CENPC: variants seen among roughly 807,000 people sequenced by gnomAD.
CENPC encodes the protein centromere protein C.
Under a neutral mutation model 112.1 loss-of-function variants are expected in CENPC, and 63 were observed. The ratio of observed to expected loss-of-function variants is 0.56; its 90% CI spans 0.46 to 0.69. CENPC has a LOEUF of 0.69. CENPC is among the 30% of genes least tolerant of loss of function. The probability of loss-of-function intolerance (pLI) is 0.00; values close to 1 mark genes in which losing one functional copy is unlikely to be tolerated. For synonymous variants in CENPC, 333 were observed against 367.6 expected, an observed-to-expected ratio of 0.91 and a Z score of 1.08; for missense variants, 1,000 against 1,103.8, an observed-to-expected ratio of 0.91 and a Z score of 1.33.
At chr4:67,542,923 G>A (rs113116852) in intron 2 of CENPC, among the ~76,000 whole-genome samples, 12 of 152,246 alleles carry the variant, frequency 7.9e-5, no homozygotes, top group East Asian at 3.9e-4. Flanking sequence ...CTATTAGAAC[G>A]CAGGTCACAT....
chr4:67,484,182 A>T (rs1264978983), intron 17 of CENPC, among the ~76,000 whole-genome samples: 1 of 152,204 alleles, frequency 6.6e-6, no homozygotes, highest in Non-Finnish European at 1.5e-5. Context: ...TAGATACACA[A>T]ATACAACTGT....
chr4:67,512,433 T>C lies in CENPC; in HGVS notation c.1581A>G (p.Pro527=), dbSNP rs1312815620. The C allele has an allele frequency of 2.5e-6, 4 of 1,600,084 alleles. No individual in the cohort carries two copies. The highest frequency in any genetic ancestry group is 1.1e-5 in the South Asian group (1 of 87,896). ...CTGATTTTACCACCCACCAATCAGA[T>C]GGACGCCTGGAAATTCTTCGACTTT... ...VTKSRRISRR[P]SDWWVVKSEE... is the part of the protein sequence containing the mutation. Residue 527 remains proline, a synonymous_variant, in exon 9 of 19, where the codon CCA becomes CCG. Transcript: ENST00000273853.
intron 1 of CENPC, 147 bp from the exon 2 acceptor site, chr4:67,544,342 T>C: frequency 1.7e-6 from 1 of 593,606 alleles, no homozygotes; most frequent in Non-Finnish European, 3.1e-6. Context: ...TGTTATGACA[T>C]AACATAGGTT....
In CENPC at chr4:67,518,176, T is replaced by C. The variant is rs2109809175; in HGVS notation, c.810A>G (p.Val270=). 1 of 1,545,928 alleles carries C rather than the reference T, an allele frequency of 6.5e-7. No homozygotes were observed. The highest frequency in any genetic ancestry group is 1.2e-5 in the South Asian group (1 of 81,346). The change falls in exon 7 of 19, where the codon GTA becomes GTG. Residue 270 remains valine, a synonymous_variant. Coordinates refer to ENST00000273853, the MANE Select transcript of CENPC (RefSeq NM_001812.4). ...KSFSTLFLET[V]KRKSESSPIV... is the part of the protein sequence containing the mutation. The stretch of plus-strand genomic sequence containing the variant: ...CTCACCTGGATTCACTTTTTCGTTT[T>C]ACTGTTTCTAAAAACAATGTTGAAA...
At chr4:67,485,468 A>AC (rs1170533019) in intron 17 of CENPC, among the ~76,000 whole-genome samples, 2 of 89,904 alleles carry the variant, frequency 2.2e-5, no homozygotes, top group East Asian at 1.2e-3. Context: ...CTGGAATCTT[A>AC]ACCCCCCCAA....
rs757889982 is a variant in CENPC at position 67,472,649 on chromosome 4, G to A, written c.2788C>T (p.Arg930Trp). 27 of 1,510,968 alleles carry A rather than the reference G, an allele frequency of 1.8e-5. No individual in the cohort carries two copies. Among genetic ancestry groups the A allele is most frequent in the South Asian group, 9.3e-5 (7 of 75,260 alleles). 93.6% of individuals were successfully genotyped at this position (1,510,968 alleles called of 1,614,324 possible). A position where few individuals can be genotyped will look rare whatever the true frequency, so the allele number is the denominator to read the frequency against. The change falls in exon 19 of 19, where the codon CGG becomes TGG. Residue 930 changes from arginine to tryptophan, a missense_variant. Arg to Trp is a moderately radical substitution (Grantham distance 101). Coordinates refer to ENST00000273853, the MANE Select transcript of CENPC (RefSeq NM_001812.4). ...AAAAGAAGAACACTTTCCTCATTCCGGAGATTTTTGATGTTATAATAGTTA... is the reference window on the plus strand; with the variant it reads ...AAAAGAAGAACACTTTCCTCATTCCAGAGATTTTTGATGTTATAATAGTTA... Reference protein sequence around the residue: ...SGNYYNIKNLRNEESVLLFTQ... With the variant: ...SGNYYNIKNLWNEESVLLFTQ...
chr4:67,535,943 T>A (rs1726706470), intron 4 of CENPC, among the ~76,000 whole-genome samples: 1 of 152,192 alleles, frequency 6.6e-6, no homozygotes, highest in South Asian at 2.1e-4. Context: ...TGGGGTCTAC[T>A]ATTTTTTTGT....
intron 9 of CENPC, among the ~76,000 whole-genome samples, chr4:67,509,583 C>A (rs989973817): frequency 4.6e-5 from 7 of 152,146 alleles, no homozygotes; most frequent in Non-Finnish European, 8.8e-5. Flanking sequence ...AATACAACTA[C>A]CTATTCTATC....
At chr4:67,511,347 T>C (rs1176164100) in intron 9 of CENPC, among the ~76,000 whole-genome samples, 3 of 152,180 alleles carry the variant, frequency 2.0e-5, no homozygotes, top group Non-Finnish European at 4.4e-5. Context: ...CATTCACTTA[T>C]TAATCTAAAT....
chr4:67,509,695 C>A (rs1440374639), intron 9 of CENPC, among the ~76,000 whole-genome samples: 1 of 152,096 alleles, frequency 6.6e-6, no homozygotes, highest in Non-Finnish European at 1.5e-5. Flanking sequence ...CCTTTCAAAT[C>A]TTTCAAGCTC....
chr4:67,477,179 C>G (rs950800620), intron 17 of CENPC, among the ~76,000 whole-genome samples: 1 of 152,192 alleles, frequency 6.6e-6, no homozygotes, highest in Non-Finnish European at 1.5e-5. Context: ...CTTGTATCAG[C>G]AGATGCTCTC....
At position 67,505,285 on chromosome 4, in the gene CENPC, C is replaced by T. The variant is rs1200334133; in HGVS notation, c.2052-1G>A. ...ATTATTATTGAGCCTGGAAGGTCCA[C>T]TTAAGAAAAAAAGGAAACCACAAAA... On this transcript the variant is annotated splice_acceptor_variant, in intron 11 of 18. Coordinates refer to ENST00000273853, the MANE Select transcript of CENPC (RefSeq NM_001812.4). LOFTEE classifies it high-confidence loss of function. 1 of 1,535,164 alleles carries T rather than the reference C, an allele frequency of 6.5e-7. No individual in the cohort carries two copies. The highest frequency in any genetic ancestry group is 2.4e-5 in the East Asian group (1 of 42,498).
chr4:67,544,194 T>A lies in CENPC; in HGVS notation c.20A>T (p.Asp7Val), dbSNP rs748876210. The change falls in exon 2 of 19, where the codon GAT (aspartate) becomes GTT (valine). Residue 7 changes from aspartate (D) to valine (V), a missense_variant and splice_region_variant. Coordinates refer to ENST00000273853, the MANE Select transcript of CENPC (RefSeq NM_001812.4). The stretch of plus-strand genomic sequence containing the variant: ...TCTTCTGTAGCCATTTTTGAGATGA[T>A]CCTGAAAGAAAAGTAAATCATCAAT... MAASGL[D>V]HLKNGYRRRF... 2.7e-5 allele frequency: 41 copies of A among 1,547,038 alleles called. No homozygotes were observed. The highest frequency in any genetic ancestry group is 3.5e-5 in the Non-Finnish European group (39 of 1,120,864).
intron 2 of CENPC, 70 bp downstream of exon 2, chr4:67,544,079 C>T: frequency 1.2e-6 from 1 of 811,746 alleles, no homozygotes; most frequent in Non-Finnish European, 2.1e-6. Flanking sequence ...ATAGTTTTTC[C>T]TTTCTTCATT....
chr4:67,537,869 A>G (rs960210486), intron 4 of CENPC, among the ~76,000 whole-genome samples: 1 of 152,192 alleles, frequency 6.6e-6, no homozygotes. Context: ...CTATAGTCCT[A>G]GGTAGTCAGC....
rs189310232 is a variant in CENPC, at chr4:67,513,143, A to G, written c.1445-574T>C. On this transcript the variant is annotated intron_variant, in intron 8 of 18. Coordinates refer to ENST00000273853, the MANE Select transcript of CENPC (RefSeq NM_001812.4). ...GGTGGAGGAGGACCATGAGTCAAGG[A>G]ATATAGGTAGTTTCAAGAGGGTGGA... Among the ~76,000 whole-genome samples, 365 of 152,172 alleles carry G rather than the reference A, an allele frequency of 2.4e-3. 2 individuals are homozygous for G. The highest frequency in any genetic ancestry group is 8.3e-3 in the African/African-American group (344 of 41,526).
intron 5 of CENPC, among the ~76,000 whole-genome samples, chr4:67,529,889 G>A (rs1271918355): frequency 1.3e-5 from 2 of 151,814 alleles, no homozygotes; most frequent in African/African-American, 4.8e-5. Flanking sequence ...GTTGACAGAG[G>A]AAAAAACAAA....
At chr4:67,527,117 A>G (rs1350134694) in intron 5 of CENPC, among the ~76,000 whole-genome samples, 1 of 152,216 alleles carries the variant, frequency 6.6e-6, no homozygotes, top group Non-Finnish European at 1.5e-5. Context: ...AAACCTGTGG[A>G]ATACAGCTAC....
intron 17 of CENPC, among the ~76,000 whole-genome samples, chr4:67,486,979 T>C (rs544061605): frequency 6.0e-5 from 9 of 150,484 alleles, no homozygotes; most frequent in African/African-American, 2.2e-4. Flanking sequence ...TTTTTTTTTT[T>C]TTTTTTCTTT....
Sources: allele counts gnomAD v4.1 joint callset (sites outside exome capture counted in the v4.1 genomes callset), GRCh38; gene constraint gnomAD v4.1.1; transcripts MANE v1.5; gene names NCBI Gene and HGNC (gene_info 2026-07-23, HGNC 2026-07-21).